PI4KB: variants seen among roughly 807,000 people sequenced by gnomAD.
PI4KB encodes the protein phosphatidylinositol 4-kinase beta.
Under a neutral mutation model 81.4 loss-of-function variants are expected in PI4KB, and 23 were observed. The observed-to-expected ratio is 0.28, with a 90% CI of 0.20 to 0.40. PI4KB has a LOEUF of 0.40. Among genes scored for constraint, PI4KB ranks in the 10% least tolerant of loss-of-function variants. The probability of loss-of-function intolerance (pLI) is 1.00; values close to 1 mark genes in which losing one functional copy is unlikely to be tolerated. For synonymous variants in PI4KB, 381 were observed against 406.8 expected (o/e 0.94, Z 0.76); for missense variants, 651 against 1,036.6 (o/e 0.63, Z 5.11).
rs779473791 is a variant in PI4KB at position 151,295,854 on chromosome 1, C to T, written c.2016-1313G>A. On this transcript the variant is annotated intron_variant, in intron 9 of 11. Coordinates refer to ENST00000368873, the MANE Select transcript of PI4KB (RefSeq NM_001369623.2). ...TGCCAGCTTCCCTGCCACCCATTTA[C>T]TCAATCCCAGGACTGAGCTCTAGGC... Among the ~76,000 whole-genome samples the T allele has an allele frequency of 1.7e-4, 26 of 152,360 alleles. No homozygotes were observed. The Middle Eastern group carries it at 0.01, about 60-fold the overall frequency.
At chr1:151,315,474 G>A in intron 2 of PI4KB, 99 bp downstream of exon 2, 1 of 799,404 alleles carries the variant, frequency 1.3e-6, no homozygotes, top group Non-Finnish European at 2.2e-6. Context: ...AAACAGGGAG[G>A]ACAGAAAGAA....
Position 151,292,965 on chromosome 1 carries a change from T to C in PI4KB, c.2338A>G (p.Met780Val). The change falls in exon 12 of 12, where the codon ATG becomes GTG. Residue 780 changes from methionine (M) to valine (V), a missense_variant. Physicochemically the swap from Met to Val is conservative, Grantham distance 21 (BLOSUM62 1). Coordinates refer to ENST00000368873, the MANE Select transcript of PI4KB (RefSeq NM_001369623.2). ...AGCAGCTGCAGCTGCTCCTCAGTCATGCTCATGTGGAACCTCTCTTTGAGG... is the reference window on the plus strand; with the variant it reads ...AGCAGCTGCAGCTGCTCCTCAGTCACGCTCATGTGGAACCTCTCTTTGAGG... ...RNLKERFHMSMTEEQLQLLVE... is the reference protein window; with the variant it reads ...RNLKERFHMSVTEEQLQLLVE... 3.1e-6 allele frequency: 5 copies of C among 1,614,158 alleles called. No individual in the cohort carries two copies. Among genetic ancestry groups the C allele is most frequent in the Non-Finnish European group, 3.4e-6 (4 of 1,180,020 alleles).
At position 151,306,312 on chromosome 1, in the gene PI4KB, T is replaced by C; in HGVS notation, c.1234A>G (p.Thr412Ala). ...TCGGGGATCCGGGCAGGGACACTGG[T>C]GGTGTCAAAGTTTTCACATTCAAGG... The part of the protein sequence containing the change: ...EVLECENFDT[T>A]SVPARIPENR... Residue 412 changes from threonine to alanine, a missense_variant, in exon 5 of 12, where the codon ACC becomes GCC. Thr to Ala is a moderately conservative substitution (Grantham distance 58). Transcript: ENST00000368873. The C allele has an allele frequency of 6.2e-7, 1 of 1,614,176 alleles. No individual in the cohort carries two copies.
intron 1 of PI4KB, among the ~76,000 whole-genome samples, chr1:151,321,491 T>C (rs1648834524): frequency 6.6e-6 from 1 of 151,820 alleles, no homozygotes; most frequent in African/African-American, 2.4e-5. Flanking sequence ...TTCAAGCGAT[T>C]CTCCTGCCTC....
chr1:151,320,076 C>A (rs1344044978), intron 1 of PI4KB, among the ~76,000 whole-genome samples: 1 of 152,150 alleles, frequency 6.6e-6, no homozygotes, highest in African/African-American at 2.4e-5. Context: ...CTCTGTCGCC[C>A]AGGCTGGAGT....
chr1:151,321,420 C>T (rs1571223486), intron 1 of PI4KB, among the ~76,000 whole-genome samples: 1 of 151,956 alleles, frequency 6.6e-6, no homozygotes, highest in South Asian at 2.1e-4. Flanking sequence ...TGCTCTGTTG[C>T]CCTGGCTGGA....
intron 1 of PI4KB, among the ~76,000 whole-genome samples, chr1:151,319,831 G>T (rs575579896): frequency 2.0e-5 from 3 of 152,326 alleles, no homozygotes; most frequent in African/African-American, 7.2e-5. Context: ...TCAAGAGCAT[G>T]AGCAAGAGGA....
At chr1:151,300,983 C>G (rs368787789) in intron 8 of PI4KB, 2 of 152,422 alleles carry the variant, frequency 1.3e-5, no homozygotes, top group East Asian at 3.9e-4. Flanking sequence ...AAGTTTTGAT[C>G]TAAAAGGCAA....
rs587771850 is a variant in PI4KB, at chr1:151,302,829, C to T, written c.1521-531G>A. Among the ~76,000 whole-genome samples the T allele has an allele frequency of 1.2e-4, 18 of 151,498 alleles. No individual in the cohort carries two copies. In the East Asian group the frequency reaches 2.2e-3, roughly 18 times the overall value. On this transcript the variant is annotated intron_variant, in intron 6 of 11. Coordinates refer to ENST00000368873, the MANE Select transcript of PI4KB (RefSeq NM_001369623.2). ...CGATCTCCTGACCTTATGATCTACC[C>T]GCCTCAGCCTCCCAAAGTGTTGGGA...
chr1:151,318,711 C>CAAATAAAT (rs145012777), intron 1 of PI4KB, among the ~76,000 whole-genome samples: 3,174 of 147,718 alleles, frequency 0.021, 103 homozygotes, highest in African/African-American at 0.068. Flanking sequence ...AACTCTGTCT[C>CAAATAAAT]AAATAAATAA....
Position 151,307,757 on chromosome 1 carries a change from C to T in PI4KB, c.999G>A (p.Met333Ile). The T allele has an allele frequency of 6.2e-7, 1 of 1,614,144 alleles. No individual in the cohort carries two copies. Residue 333 changes from methionine to isoleucine, a missense_variant, in exon 4 of 12, where the codon ATG (methionine) becomes ATA (isoleucine). By Grantham distance (10) the Met-to-Ile change is conservative (BLOSUM62 1). This residue lies in a region of PI4KB where 246 missense variants were observed against 430.1 expected (regional missense o/e 0.57). Transcript: ENST00000368873. Reference sequence around the variant, plus strand: ...GCGTGGCCAGCCGCTTGCCGATCGCCATCAGGGACTTGATGAATTCTCTCT... The same window carrying T: ...GCGTGGCCAGCCGCTTGCCGATCGCTATCAGGGACTTGATGAATTCTCTCT... Reference protein sequence around the residue: ...APEREFIKSLMAIGKRLATLP... With the variant: ...APEREFIKSLIAIGKRLATLP...
chr1:151,300,180 G>GA (rs910347580), intron 8 of PI4KB, among the ~76,000 whole-genome samples: 6 of 152,172 alleles, frequency 3.9e-5, no homozygotes, highest in Non-Finnish European at 5.9e-5. Context: ...GCTATTTCTT[G>GA]AAAAAATCTC....
chr1:151,318,306 AC>A (rs1488381059), intron 1 of PI4KB, among the ~76,000 whole-genome samples: 1 of 151,212 alleles, frequency 6.6e-6, no homozygotes, highest in Admixed American at 6.6e-5. Flanking sequence ...AATCCCAGCT[AC>A]TCAGGAGGCT....
intron 1 of PI4KB, among the ~76,000 whole-genome samples, chr1:151,325,592 G>C (rs181910931): frequency 6.6e-6 from 1 of 152,272 alleles, no homozygotes; most frequent in East Asian, 1.9e-4. Context: ...TGAGGAACAG[G>C]ACAGAAAATC....
chr1:151,302,065 C>T, intron 7 of PI4KB, 98 bp from the exon 8 acceptor site: 1 of 1,591,542 alleles, frequency 6.3e-7, no homozygotes, highest in Non-Finnish European at 8.6e-7. Flanking sequence ...CCCCATAGGG[C>T]AAGGACCCAG....
chr1:151,303,180 TAA>T (rs1213499993), intron 6 of PI4KB, among the ~76,000 whole-genome samples: 1 of 151,146 alleles, frequency 6.6e-6, no homozygotes, highest in Non-Finnish European at 1.5e-5. Context: ...TTTGTATTTT[TAA>T]TAGAGACGGA....
At chr1:151,309,484 T>TA (rs1339490806) in intron 3 of PI4KB, among the ~76,000 whole-genome samples, 4 of 151,830 alleles carry the variant, frequency 2.6e-5, no homozygotes, top group Admixed American at 6.6e-5. Flanking sequence ...ATAGAAAATA[T>TA]AAAAAAAATC....
intron 1 of PI4KB, among the ~76,000 whole-genome samples, chr1:151,319,144 C>G (rs763536620): frequency 6.6e-6 from 1 of 152,148 alleles, no homozygotes. Context: ...ATGAAAGAAT[C>G]TAGCACAGTC....
chr1:151,323,217 A>G (rs1649097629), intron 1 of PI4KB, among the ~76,000 whole-genome samples: 1 of 152,256 alleles, frequency 6.6e-6, no homozygotes, highest in Admixed American at 6.5e-5. Context: ...AAATAGAGGA[A>G]CAAATGGCCA....
Sources: allele counts gnomAD v4.1 joint callset (sites outside exome capture counted in the v4.1 genomes callset), GRCh38; gene constraint gnomAD v4.1.1; regional missense constraint gnomAD v4.1.1; transcripts MANE v1.5; gene names NCBI Gene and HGNC (gene_info 2026-07-23, HGNC 2026-07-21).